The following PARVB variants were observed in gnomAD, a reference collection of about 807,000 sequenced individuals.
PARVB encodes beta-parvin.
In PARVB, 46 loss-of-function variants were observed where a neutral mutation model predicts 47.0. That is an observed-to-expected ratio of 0.98 (90% confidence interval 0.77 to 1.25). The LOEUF is 1.25. Among genes scored for constraint, PARVB ranks in the 50% most tolerant of loss-of-function variants. The pLI is 0.00. For missense variants in PARVB, 473 were observed against 471.6 expected (o/e 1.00, Z -0.03); for synonymous variants, 196 against 196.3 (o/e 1.00, Z 0.01).
At chr22:44,046,265 C>T (rs993584737) in intron 1 of PARVB, among the ~76,000 whole-genome samples, 3 of 152,222 alleles carry the variant, frequency 2.0e-5, no homozygotes, top group Non-Finnish European at 2.9e-5. Context: ...ACCTACTTGC[C>T]TAGTTCTGGC....
chr22:44,107,815 G>C (rs1022847168), intron 3 of PARVB: 1 of 152,122 alleles, frequency 6.6e-6, no homozygotes, highest in Admixed American at 6.5e-5. Flanking sequence ...TGGAAGCCCC[G>C]CCTCCCTCCC....
chr22:44,058,355 C>T (rs1275005541), intron 1 of PARVB, among the ~76,000 whole-genome samples: 2 of 152,180 alleles, frequency 1.3e-5, no homozygotes, highest in African/African-American at 2.4e-5. Flanking sequence ...TCACAGGTGT[C>T]CCCCTTCATG....
At chr22:44,095,296 T>C (rs2052275800) in intron 2 of PARVB, among the ~76,000 whole-genome samples, 1 of 151,282 alleles carries the variant, frequency 6.6e-6, no homozygotes, top group Non-Finnish European at 1.5e-5. Flanking sequence ...ATCACTTGAG[T>C]TCAGGAGTTT....
chr22:44,016,442 C>G (rs115567462), intron 2 of PARVB, among the ~76,000 whole-genome samples: 4 of 152,196 alleles, frequency 2.6e-5, no homozygotes, highest in East Asian at 3.9e-4. Context: ...ACCTCACTCT[C>G]TGTGTGTCCA....
At chr22:44,021,609 A>G (rs1302080139), upstream of PARVB, among the ~76,000 whole-genome samples, 2 of 152,188 alleles carry the variant, frequency 1.3e-5, no homozygotes, top group East Asian at 3.8e-4. Context: ...GGAAATAACA[A>G]GGGTGATGGG....
intron 3 of PARVB, chr22:44,105,556 T>C (rs2052548226): frequency 6.6e-6 from 1 of 152,348 alleles, no homozygotes; most frequent in Non-Finnish European, 1.5e-5. Context: ...CCTGGAGTCA[T>C]TTCCTATTTA....
chr22:44,016,950 ACTGCAACCT>A (rs770125223), intron 2 of PARVB, among the ~76,000 whole-genome samples: 1 of 152,146 alleles, frequency 6.6e-6, no homozygotes, highest in Non-Finnish European at 1.5e-5. Context: ...ATCTTAGCTC[ACTGCAACCT>A]CTGCCTCCTG....
chr22:44,103,361 C>G lies in PARVB; in HGVS notation c.273+3238C>G, dbSNP rs555564622. On this transcript the variant is annotated intron_variant, in intron 3 of 12. Transcript: ENST00000338758. This position sits in a 1 kb window ranked among gnomAD's most constrained non-coding sequence, Gnocchi z 4.6. ...CATGGAGATGGGCTGCATGGCTGAT[C>G]ATCAGCTGGGTTTTCTTCTGAAGCC... The G allele has an allele frequency of 6.6e-6, 1 of 152,348 alleles. No homozygotes were observed. The highest frequency in any genetic ancestry group is 1.9e-4 in the East Asian group (1 of 5,178). 9.4% of individuals were successfully genotyped at this position (152,348 alleles called of 1,614,324 possible).
chr22:44,160,520 C>G (rs1284262169), intron 11 of PARVB, among the ~76,000 whole-genome samples: 1 of 152,228 alleles, frequency 6.6e-6, no homozygotes, highest in African/African-American at 2.4e-5. Flanking sequence ...GCCTTGGGGC[C>G]TCCTACTGCA....
intron 2 of PARVB, among the ~76,000 whole-genome samples, chr22:44,001,537 G>C (rs930972260): frequency 1.3e-5 from 2 of 152,188 alleles, no homozygotes; most frequent in African/African-American, 4.8e-5. Context: ...TGTGCAGTTT[G>C]TTGAATACCG....
intron 10 of PARVB, chr22:44,152,854 T>G (rs1197185971): frequency 6.6e-6 from 1 of 152,228 alleles, no homozygotes; most frequent in Non-Finnish European, 1.5e-5. Context: ...GGTGAATGCA[T>G]TCATTCCCTT....
intron 7 of PARVB, among the ~76,000 whole-genome samples, chr22:44,136,997 G>A (rs928097921): frequency 2.0e-5 from 3 of 152,220 alleles, no homozygotes; most frequent in African/African-American, 7.2e-5. Flanking sequence ...CAAATCTATT[G>A]AAAATAGCAA....
intron 1 of PARVB, among the ~76,000 whole-genome samples, chr22:44,025,622 G>A (rs1168439376): frequency 1.3e-5 from 2 of 152,140 alleles, no homozygotes. Context: ...CTGGCGGATA[G>A]GTCACTCTTC....
intron 3 of PARVB, chr22:44,109,970 G>T (rs896398612): frequency 6.6e-6 from 1 of 151,306 alleles, no homozygotes; most frequent in East Asian, 2.0e-4. Flanking sequence ...AAAATTAGCC[G>T]GGCGTAGTGG....
chr22:44,005,890 T>C (rs886688380), intron 2 of PARVB, among the ~76,000 whole-genome samples: 1 of 152,228 alleles, frequency 6.6e-6, no homozygotes, highest in Non-Finnish European at 1.5e-5. Flanking sequence ...TACTTCTGTT[T>C]CAATATATCT....
chr22:44,097,821 GTGTT>G lies in PARVB; in HGVS notation c.203-2229_203-2226del, dbSNP rs1211154862. On this transcript the variant is annotated intron_variant, in intron 2 of 12. Transcript: ENST00000338758. ...AAAGACCGGAGATGCCTCTGAGAAA[GTGTT>G]TGGTAACAGTAAGCCTCGAAACGGC... Among the ~76,000 whole-genome samples the G allele has an allele frequency of 6.6e-5, 10 of 152,330 alleles. No individual in the cohort carries two copies. The East Asian group carries it at 1.7e-3, about 26-fold the overall frequency.
intron 1 of PARVB, among the ~76,000 whole-genome samples, chr22:44,041,257 C>T (rs1437922452): frequency 1.3e-5 from 2 of 150,910 alleles, no homozygotes; most frequent in Admixed American, 6.6e-5. Context: ...TTTGGGAGGC[C>T]GAGGCGGGTG....
At chr22:44,135,269 T>G (rs1601660271) in intron 6 of PARVB, among the ~76,000 whole-genome samples, 1 of 152,066 alleles carries the variant, frequency 6.6e-6, no homozygotes, top group Non-Finnish European at 1.5e-5. Flanking sequence ...CATTACTTTT[T>G]TTTTTTTGAG....
chr22:44,115,311 G>A (rs1212456660), intron 3 of PARVB: 4 of 44,614 alleles, frequency 9.0e-5, no homozygotes. Context: ...ACTAACTAAG[G>A]CCCTGCACCA....
Sources: gnomAD v4.1 joint callset for allele counts (sites outside exome capture counted in the v4.1 genomes callset) on GRCh38, gnomAD v4.1.1 for gene constraint, Gnocchi (gnomAD v3.1) non-coding constraint, MANE v1.5 for transcripts, NCBI Gene and HGNC (gene_info 2026-07-23, HGNC 2026-07-21) for gene names.